Variants in CHD7 observed in about 807,000 individuals in gnomAD.
CHD7 encodes chromodomain helicase DNA binding protein 7, also known as ATP-dependent chromatin remodeler CHD7.
Under a neutral mutation model 307.3 loss-of-function variants are expected in CHD7, and 24 were observed. The ratio of observed to expected loss-of-function variants is 0.08; its 90% CI spans 0.06 to 0.11. The LOEUF (loss-of-function observed/expected upper bound fraction) is 0.11, where lower values mean the gene tolerates loss of function less well. CHD7 is among the 10% of genes least tolerant of loss of function. The pLI, the probability that CHD7 is intolerant of heterozygous loss-of-function variation, is 1.00. For synonymous variants in CHD7, 1,363 were observed against 1,349.9 expected (o/e 1.01, Z -0.21); for missense variants, 3,106 against 3,727.1 (o/e 0.83, Z 4.34).
chr8:60,767,299 A>T (rs946302688), intron 2 of CHD7, among the ~76,000 whole-genome samples: 1 of 152,210 alleles, frequency 6.6e-6, no homozygotes, highest in Non-Finnish European at 1.5e-5. Context: ...ATGTGTTGAG[A>T]GGCTCAGTAG....
chr8:60,709,294 T>C (rs1006960124), intron 1 of CHD7, among the ~76,000 whole-genome samples: 2 of 152,180 alleles, frequency 1.3e-5, no homozygotes, highest in Non-Finnish European at 2.9e-5. Flanking sequence ...AAAGGGAATC[T>C]TGTGTATGCT....
intron 19 of CHD7, among the ~76,000 whole-genome samples, chr8:60,840,228 G>A (rs1341916453): frequency 6.6e-6 from 1 of 152,190 alleles, no homozygotes; most frequent in Non-Finnish European, 1.5e-5. Flanking sequence ...GCTCCAATCT[G>A]GAAAGGCTCT....
At chr8:60,760,623 C>T (rs1459443293) in intron 2 of CHD7, among the ~76,000 whole-genome samples, 3 of 149,846 alleles carry the variant, frequency 2.0e-5, no homozygotes, top group African/African-American at 7.4e-5. Flanking sequence ...CCAGAATCTA[C>T]AATGAACTCA....
At chr8:60,725,685 C>T (rs532689408) in intron 1 of CHD7, among the ~76,000 whole-genome samples, 1 of 152,260 alleles carries the variant, frequency 6.6e-6, no homozygotes, top group Non-Finnish European at 1.5e-5. Flanking sequence ...GGAAGGGTTA[C>T]AGTTGTGTGG....
intron 2 of CHD7, among the ~76,000 whole-genome samples, chr8:60,767,932 C>T (rs1037879251): frequency 2.0e-5 from 3 of 152,184 alleles, no homozygotes; most frequent in African/African-American, 4.8e-5. Flanking sequence ...GAGAAAACCT[C>T]ACAGATGTTA....
At chr8:60,755,998 G>A (rs1809871220) in intron 2 of CHD7, among the ~76,000 whole-genome samples, 2 of 152,172 alleles carry the variant, frequency 1.3e-5, no homozygotes. Flanking sequence ...GTAGCCACTA[G>A]CCACAAATGG....
intron 14 of CHD7, 74 bp downstream of exon 14, chr8:60,828,880 T>C (rs1804372772): frequency 1.5e-6 from 2 of 1,354,752 alleles, no homozygotes; most frequent in South Asian, 2.5e-5. Flanking sequence ...AGTATTAAGT[T>C]ATTTTAAAGT....
intron 6 of CHD7, among the ~76,000 whole-genome samples, chr8:60,806,775 G>A (rs1471099249): frequency 6.6e-6 from 1 of 152,136 alleles, no homozygotes; most frequent in Non-Finnish European, 1.5e-5. Flanking sequence ...GGCTGAGACG[G>A]GGGGATTGCT....
intron 1 of CHD7, among the ~76,000 whole-genome samples, chr8:60,716,020 C>T (rs955561821): frequency 5.9e-5 from 9 of 152,154 alleles, no homozygotes; most frequent in African/African-American, 1.9e-4. Context: ...GTTTCCAGAA[C>T]CTTCATCACA....
intron 3 of CHD7, among the ~76,000 whole-genome samples, chr8:60,786,991 A>G (rs1050183496): frequency 5.3e-5 from 8 of 152,186 alleles, no homozygotes; most frequent in African/African-American, 1.9e-4. Context: ...CTTAGCATTC[A>G]GACGTTAAAT....
At position 60,830,504 on chromosome 8, in the gene CHD7, A is replaced by T. The variant is rs1452304330; in HGVS notation, c.3705A>T (p.Gln1235His). 4 of 1,613,878 alleles carry T rather than the reference A, an allele frequency of 2.5e-6. No homozygotes were observed. In the South Asian group the frequency reaches 4.4e-5, roughly 18 times the overall value. Reference protein sequence around the residue: ...NFTFLSKGGGQANVPNLLNTM... With the variant: ...NFTFLSKGGGHANVPNLLNTM... ...CATTTCTTTCCAAAGGCGGTGGTCA[A>T]GCTAACGTACCTAACCTATTAAACA... is the stretch of plus-strand genomic sequence containing the variant. The change falls in exon 15 of 38, where the codon CAA becomes CAT. Residue 1235 changes from glutamine (Q) to histidine (H), a missense_variant. This residue lies in a region of CHD7 where 232 missense variants were observed against 422.5 expected (regional missense o/e 0.55). Coordinates refer to ENST00000423902, the MANE Select transcript of CHD7 (RefSeq NM_017780.4).
At chr8:60,777,248 TAAATA>T (rs1810994492) in intron 2 of CHD7, among the ~76,000 whole-genome samples, 2 of 152,260 alleles carry the variant, frequency 1.3e-5, no homozygotes, top group South Asian at 4.1e-4. Context: ...CATTTGTCTG[TAAATA>T]AAATGTTTAT....
intron 1 of CHD7, among the ~76,000 whole-genome samples, chr8:60,717,549 C>T (rs1193857844): frequency 6.6e-6 from 1 of 152,166 alleles, no homozygotes; most frequent in Non-Finnish European, 1.5e-5. Flanking sequence ...TGTAGTTAAA[C>T]CTTATGGGTG....
At chr8:60,772,209 C>A (rs1417379814) in intron 2 of CHD7, among the ~76,000 whole-genome samples, 1 of 152,194 alleles carries the variant, frequency 6.6e-6, no homozygotes, top group Admixed American at 6.5e-5. Flanking sequence ...AACTTTATCA[C>A]TATGCTCCTT....
chr8:60,779,160 TATCA>T (rs1197329822), intron 2 of CHD7, among the ~76,000 whole-genome samples: 1 of 152,220 alleles, frequency 6.6e-6, no homozygotes, highest in Non-Finnish European at 1.5e-5. Flanking sequence ...GGAAATCACC[TATCA>T]ATCACCTAAC....
In CHD7 at chr8:60,838,143, A is replaced by T. The variant is rs1804819441; in HGVS notation, c.4421A>T (p.Asp1474Val). The T allele has an allele frequency of 6.4e-7, 1 of 1,565,002 alleles. No individual in the cohort carries two copies. Among genetic ancestry groups the T allele is most frequent in the Non-Finnish European group, 8.7e-7 (1 of 1,154,070 alleles). Residue 1474 changes from aspartate to valine, a missense_variant, in exon 19 of 38, where the codon GAT becomes GTT. Around this residue, in one of 10 missense-constraint regions of CHD7, gnomAD observed 93 missense variants for 176.4 expected, o/e 0.53. Transcript: ENST00000423902. ...LRKGAYGALMDEEDEGSKFCE... is the reference protein window; with the variant it reads ...LRKGAYGALMVEEDEGSKFCE... ...AAAGGGGCCTATGGTGCACTCATGGATGAGGAGGATGAAGGGTCTAAATTC... is the reference window on the plus strand; with the variant it reads ...AAAGGGGCCTATGGTGCACTCATGGTTGAGGAGGATGAAGGGTCTAAATTC...
Position 60,712,308 on chromosome 8 carries a change from C to T in CHD7, c.-174-28951C>T, listed in dbSNP as rs555795279. ...TGACTGAACTTCTACAGCTTAATCA[C>T]GGAGGGTGGTGTTTGGTATCATTCT... is the stretch of plus-strand genomic sequence containing the variant. On this transcript the variant is annotated intron_variant, in intron 1 of 37. Coordinates refer to ENST00000423902, the MANE Select transcript of CHD7 (RefSeq NM_017780.4). 1.6e-3 allele frequency among the ~76,000 whole-genome samples: 241 copies of T among 152,124 alleles called. 1 individual carries two copies. The highest frequency in any genetic ancestry group is 4.7e-3 in the African/African-American group (193 of 41,498).
intron 2 of CHD7, among the ~76,000 whole-genome samples, chr8:60,767,147 C>A (rs1412183722): frequency 1.3e-5 from 2 of 152,060 alleles, no homozygotes; most frequent in African/African-American, 4.8e-5. Flanking sequence ...TTGGAGGGCA[C>A]CTTGGTGAGA....
intron 1 of CHD7, among the ~76,000 whole-genome samples, chr8:60,721,697 GATGCTGCCAATGCTGCCA>G (rs904115931): frequency 2.6e-5 from 4 of 152,302 alleles, no homozygotes; most frequent in South Asian, 2.1e-4. Flanking sequence ...TGATGCTGCC[GATGCTGCCAATGCTGCCA>G]ATGCTGGTCC....
Sources: allele counts gnomAD v4.1 joint callset (sites outside exome capture counted in the v4.1 genomes callset), GRCh38; gene constraint gnomAD v4.1.1; regional missense constraint gnomAD v4.1.1; transcripts MANE v1.5; gene names NCBI Gene and HGNC (gene_info 2026-07-23, HGNC 2026-07-21).